The following WDR44 variants were observed in gnomAD, a reference collection of about 807,000 sequenced individuals.
WDR44 encodes the protein WD repeat domain 44.
Under a neutral mutation model 65.7 loss-of-function variants are expected in WDR44, and 9 were observed. The observed-to-expected ratio is 0.14, with a 90% CI of 0.08 to 0.24. WDR44 has a LOEUF of 0.24. WDR44 is among the 10% of genes least tolerant of loss of function. The pLI, the probability that WDR44 is intolerant of heterozygous loss-of-function variation, is 1.00. For missense variants in WDR44, 425 were observed against 670.9 expected (o/e 0.63, Z 4.05); for synonymous variants, 220 against 235.2 (o/e 0.94, Z 0.59).
At chrX:118,376,332 T>C (rs2056659515) in intron 1 of WDR44, among the ~76,000 whole-genome samples, 3 of 111,578 alleles carry the variant, frequency 2.7e-5, no homozygotes, top group African/African-American at 6.5e-5. Context: ...AGGATTCCTC[T>C]ACCAAAGGAA....
At chrX:118,389,865 T>A (rs1211207445) in intron 3 of WDR44, among the ~76,000 whole-genome samples, 4 of 109,663 alleles carry the variant, frequency 3.6e-5, no homozygotes, top group African/African-American at 1.3e-4. Context: ...ATGCCTTATG[T>A]CATACTAAAC....
At chrX:118,372,837 C>G (rs1186392014) in intron 1 of WDR44, among the ~76,000 whole-genome samples, 1 of 112,082 alleles carries the variant, frequency 8.9e-6, no homozygotes, top group South Asian at 3.7e-4. Flanking sequence ...GCCTGTAATC[C>G]CAGCACTTTG....
At chrX:118,366,688 A>T (rs1160356447) in intron 1 of WDR44, among the ~76,000 whole-genome samples, 3 of 111,062 alleles carry the variant, frequency 2.7e-5, no homozygotes, top group Non-Finnish European at 3.8e-5. Flanking sequence ...TAATATATAT[A>T]ATCTATTAAT....
intron 1 of WDR44, among the ~76,000 whole-genome samples, chrX:118,357,818 A>G (rs1477092663): frequency 2.7e-5 from 3 of 110,650 alleles, no homozygotes; most frequent in Admixed American, 9.6e-5. Context: ...ATTCAAGGCT[A>G]TAGTGAGCCA....
At chrX:118,358,931 G>A (rs973662643) in intron 1 of WDR44, among the ~76,000 whole-genome samples, 3 of 110,119 alleles carry the variant, frequency 2.7e-5, no homozygotes, top group African/African-American at 6.6e-5. Context: ...AAAGTTAGCC[G>A]GGCATGGTAG....
At chrX:118,382,543 A>G (rs968783481) in intron 2 of WDR44, among the ~76,000 whole-genome samples, 3 of 112,460 alleles carry the variant, frequency 2.7e-5, no homozygotes, top group Non-Finnish European at 5.6e-5. Context: ...ACTACTAAAA[A>G]TTACCAGTTA....
intron 8 of WDR44, among the ~76,000 whole-genome samples, chrX:118,402,909 A>T (rs1312491514): frequency 8.9e-6 from 1 of 112,340 alleles, no homozygotes; most frequent in Non-Finnish European, 1.9e-5. Flanking sequence ...TGGAGATATT[A>T]CAGTAGTTCC....
At chrX:118,434,770 T>C (rs2057240397) in intron 13 of WDR44, among the ~76,000 whole-genome samples, 1 of 112,097 alleles carries the variant, frequency 8.9e-6, no homozygotes, top group Non-Finnish European at 1.9e-5. Context: ...GATATTATTT[T>C]ACTGTTTTTT....
chrX:118,381,773 A>G (rs1342576152), intron 2 of WDR44, among the ~76,000 whole-genome samples: 2 of 108,202 alleles, frequency 1.8e-5, no homozygotes, highest in Non-Finnish European at 3.8e-5. Context: ...GGGTTTCACC[A>G]TGTTGGCCAC....
chrX:118,369,696 C>T (rs1602876999), intron 1 of WDR44, among the ~76,000 whole-genome samples: 2 of 110,162 alleles, frequency 1.8e-5, no homozygotes, highest in Admixed American at 9.7e-5. Flanking sequence ...TCTCAATCTC[C>T]TGACCTTGTG....
intron 9 of WDR44, among the ~76,000 whole-genome samples, chrX:118,405,228 G>A (rs2056954109): frequency 9.2e-6 from 1 of 109,244 alleles, no homozygotes; most frequent in Non-Finnish European, 1.9e-5. Flanking sequence ...CAGAGACAGG[G>A]TTTTGCCATG....
intron 12 of WDR44, among the ~76,000 whole-genome samples, chrX:118,422,855 A>G (rs1206815922): frequency 2.7e-5 from 3 of 111,837 alleles, no homozygotes; most frequent in Non-Finnish European, 5.6e-5. Context: ...TTACAAATGA[A>G]GGTTTAGAGC....
At chrX:118,434,810 T>C (rs900096993) in intron 13 of WDR44, among the ~76,000 whole-genome samples, 12 of 112,253 alleles carry the variant, frequency 1.1e-4, no homozygotes, top group African/African-American at 3.6e-4. Context: ...AAACCAGATA[T>C]TGTTTCTCTT....
chrX:118,357,788 G>A (rs1048005353), intron 1 of WDR44, among the ~76,000 whole-genome samples: 9 of 109,582 alleles, frequency 8.2e-5, no homozygotes, highest in Non-Finnish European at 1.5e-4. Flanking sequence ...GGCGTAGAGG[G>A]GGATTACTGG....
intron 19 of WDR44, among the ~76,000 whole-genome samples, chrX:118,446,362 G>GAGCCCGGGCAACATAGAAGACC (rs917051089): frequency 9.0e-6 from 1 of 111,045 alleles, no homozygotes; most frequent in African/African-American, 3.3e-5. Flanking sequence ...AGGAGGTCTT[G>GAGCCCGGGCAACATAGAAGACC]AGCCCGGGCA....
rs759690273 is a variant in WDR44, at chrX:118,444,839, A to T, written c.2647+345A>T. On this transcript the variant is annotated intron_variant, in intron 19 of 19. Transcript: ENST00000254029. ...GGTCTCAAACTTCTGGGCTCAAGCA[A>T]TGCACCCACCTCAGCCTCCCAAAGT... Among the ~76,000 whole-genome samples the T allele has an allele frequency of 3.1e-3, 345 of 111,326 alleles. 1 individual carries two copies. Among genetic ancestry groups the T allele is most frequent in the African/African-American group, 0.011 (323 of 30,661 alleles).
At chrX:118,347,430 AT>A (rs2056362301) in intron 1 of WDR44, among the ~76,000 whole-genome samples, 1 of 112,177 alleles carries the variant, frequency 8.9e-6, no homozygotes, top group Non-Finnish European at 1.9e-5. Context: ...TAGGACTTGT[AT>A]TTACTTACCC....
chrX:118,416,651 T>C (rs1396400496), intron 12 of WDR44, among the ~76,000 whole-genome samples: 2 of 111,579 alleles, frequency 1.8e-5, no homozygotes, highest in Non-Finnish European at 3.8e-5. Context: ...GAATAGAATG[T>C]GTATTCTGCA....
In WDR44 at chrX:118,392,745, T is replaced by G; in HGVS notation, c.300T>G (p.Ala100=). The G allele has an allele frequency of 1.7e-6, 2 of 1,211,993 alleles. No homozygotes were observed. The highest frequency in any genetic ancestry group is 5.9e-5 in the East Asian group (2 of 33,866). The change falls in exon 4 of 20, where the codon GCT becomes GCG. Residue 100 remains alanine, a synonymous_variant. Coordinates refer to ENST00000254029, the MANE Select transcript of WDR44 (RefSeq NM_019045.5). ...SDQATASPIV[A]RTDLSNIPGL... is the part of the protein sequence containing the mutation. ...AAGCTACTGCCAGTCCTATTGTGGC[T>G]AGAACAGATCTGAGCAATATACCCG...
Sources: allele counts gnomAD v4.1 joint callset (sites outside exome capture counted in the v4.1 genomes callset), GRCh38; gene constraint gnomAD v4.1.1; transcripts MANE v1.5; gene names NCBI Gene and HGNC (gene_info 2026-07-23, HGNC 2026-07-21).